The following CCSER1 variants were observed in gnomAD, a reference collection of about 807,000 sequenced individuals.
The protein encoded by CCSER1 is coiled-coil serine rich protein 1.
In CCSER1, 41 loss-of-function variants were observed where a neutral mutation model predicts 82.0. That is an observed-to-expected ratio of 0.50 (90% CI 0.39 to 0.65). The LOEUF (loss-of-function observed/expected upper bound fraction) is 0.65. Among genes scored for constraint, CCSER1 ranks in the 30% least tolerant of loss-of-function variants. The pLI, the probability that CCSER1 is intolerant of heterozygous loss-of-function variation, is 0.00. For missense variants in CCSER1, 1,119 were observed against 1,064.2 expected (o/e 1.05, Z -0.72); for synonymous variants, 414 against 383.9 (o/e 1.08, Z -0.92).
At chr4:90,256,157 G>A (rs534176739) in intron 1 of CCSER1, among the ~76,000 whole-genome samples, 1 of 152,218 alleles carries the variant, frequency 6.6e-6, no homozygotes, top group East Asian at 1.9e-4. Context: ...TCCATCTGAA[G>A]TTCTCTCTTG....
chr4:91,186,216 G>A (rs1043159407), intron 10 of CCSER1, among the ~76,000 whole-genome samples: 15 of 152,136 alleles, frequency 9.9e-5, no homozygotes, highest in African/African-American at 2.7e-4. Flanking sequence ...AGAAGGGTAG[G>A]GATGAACCTC....
At chr4:90,791,828 A>C (rs550428004) in intron 7 of CCSER1, among the ~76,000 whole-genome samples, 18 of 146,644 alleles carry the variant, frequency 1.2e-4, no homozygotes, top group South Asian at 2.2e-4. Flanking sequence ...TCAAAAAAAA[A>C]AAAAACACAC....
At chr4:90,866,470 C>G (rs191758946) in intron 8 of CCSER1, among the ~76,000 whole-genome samples, 1 of 152,118 alleles carries the variant, frequency 6.6e-6, no homozygotes, top group African/African-American at 2.4e-5. Context: ...TAGCCAAAAT[C>G]TTCAATACAA....
intron 1 of CCSER1, among the ~76,000 whole-genome samples, chr4:90,275,134 C>A (rs529595162): frequency 5.3e-4 from 81 of 152,132 alleles, no homozygotes; most frequent in Middle Eastern, 3.4e-3. Flanking sequence ...GATAGAAATT[C>A]ATTGGAAGAC....
chr4:90,604,725 T>C (rs1033183583), intron 5 of CCSER1, among the ~76,000 whole-genome samples: 1 of 152,096 alleles, frequency 6.6e-6, no homozygotes, highest in Non-Finnish European at 1.5e-5. Flanking sequence ...GGTTTGTAAA[T>C]GCGCCAATCA....
chr4:90,391,461 TATATATATATATATATATATATATACAC>T (rs1751064766), intron 3 of CCSER1, among the ~76,000 whole-genome samples: 1 of 86,998 alleles, frequency 1.1e-5, no homozygotes, highest in African/African-American at 6.7e-5. Context: ...TATATATATA[TATATATATATATATATATATATATACAC>T]ACACACAGTG....
At chr4:90,439,442 A>G (rs1220450876) in intron 4 of CCSER1, among the ~76,000 whole-genome samples, 1 of 152,206 alleles carries the variant, frequency 6.6e-6, no homozygotes. Context: ...TTTAGTAACT[A>G]TAAAACATTC....
intron 6 of CCSER1, among the ~76,000 whole-genome samples, chr4:90,717,961 A>G (rs1427361237): frequency 6.6e-6 from 1 of 151,908 alleles, no homozygotes; most frequent in Non-Finnish European, 1.5e-5. Context: ...ATGTGTACTC[A>G]ATACTTTTTG....
At chr4:90,894,797 A>G (rs545828224) in intron 8 of CCSER1, among the ~76,000 whole-genome samples, 2 of 152,080 alleles carry the variant, frequency 1.3e-5, no homozygotes, top group East Asian at 1.9e-4. Context: ...CATGTGCTGG[A>G]CACTGTGCTT....
At chr4:90,995,762 CT>C (rs1737440089) in intron 9 of CCSER1, among the ~76,000 whole-genome samples, 1 of 152,024 alleles carries the variant, frequency 6.6e-6, no homozygotes, top group Admixed American at 6.6e-5. Flanking sequence ...AAACTATATG[CT>C]TTTCATTCCA....
chr4:91,133,087 G>A (rs570398583), intron 10 of CCSER1, among the ~76,000 whole-genome samples: 7 of 152,228 alleles, frequency 4.6e-5, no homozygotes, highest in East Asian at 3.9e-4. Flanking sequence ...AGTCTTGAAC[G>A]TTGTTTTCCA....
intron 6 of CCSER1, among the ~76,000 whole-genome samples, chr4:90,645,456 A>G (rs78420953): frequency 5.9e-4 from 90 of 152,312 alleles, no homozygotes; most frequent in African/African-American, 1.7e-3. Context: ...CTTTATATCT[A>G]TACTTATAGT....
chr4:91,149,005 T>C (rs1336091088), intron 10 of CCSER1, among the ~76,000 whole-genome samples: 1 of 88,388 alleles, frequency 1.1e-5, no homozygotes, highest in Non-Finnish European at 2.7e-5. Context: ...TACCCAGCAG[T>C]GGGATGGCTG....
rs545345888 is a variant in CCSER1, at chr4:90,913,461, G to A, written c.2095-9909G>A. ...AATGCTGAGAGATTTTGTCACCACC[G>A]GGCCTGCCCTACGAGAGCTCCTGAA... is the stretch of plus-strand genomic sequence containing the variant. On this transcript the variant is annotated intron_variant, in intron 8 of 10. Coordinates refer to ENST00000509176, the MANE Select transcript of CCSER1 (RefSeq NM_001145065.2). Among the ~76,000 whole-genome samples, 47 of 152,132 alleles carry A rather than the reference G, an allele frequency of 3.1e-4. No individual in the cohort carries two copies. The East Asian group carries it at 5.2e-3, about 17-fold the overall frequency.
chr4:91,228,488 C>CA (rs1560530576), intron 10 of CCSER1, among the ~76,000 whole-genome samples: 1 of 151,352 alleles, frequency 6.6e-6, no homozygotes, highest in Non-Finnish European at 1.5e-5. Context: ...TGAAAATAAA[C>CA]AAAAAAATTT....
chr4:91,357,649 TG>T (rs1416675361), intron 10 of CCSER1, among the ~76,000 whole-genome samples: 35 of 151,740 alleles, frequency 2.3e-4, no homozygotes, highest in South Asian at 1.9e-3. Flanking sequence ...GCACATAAAC[TG>T]TTTTTTTTAA....
intron 6 of CCSER1, among the ~76,000 whole-genome samples, chr4:90,694,152 T>C (rs972764329): frequency 1.3e-5 from 2 of 151,148 alleles, no homozygotes; most frequent in Non-Finnish European, 3.0e-5. Flanking sequence ...AGAGTAGGAG[T>C]TGGAAGATTT....
intron 1 of CCSER1, among the ~76,000 whole-genome samples, chr4:90,150,063 A>G (rs1184979075): frequency 6.6e-6 from 1 of 152,176 alleles, no homozygotes; most frequent in Non-Finnish European, 1.5e-5. Context: ...TTGGCCCTCC[A>G]TATAGGGGAT....
intron 9 of CCSER1, among the ~76,000 whole-genome samples, chr4:90,934,583 A>G (rs1051187537): frequency 6.6e-6 from 1 of 152,196 alleles, no homozygotes; most frequent in African/African-American, 2.4e-5. Context: ...CCAAATGGGC[A>G]GTATTCTACA....
Sources: allele counts gnomAD v4.1 joint callset (sites outside exome capture counted in the v4.1 genomes callset), GRCh38; gene constraint gnomAD v4.1.1; transcripts MANE v1.5; gene names NCBI Gene and HGNC (gene_info 2026-07-23, HGNC 2026-07-21).